PTPRD: variants seen among roughly 807,000 people sequenced by gnomAD.
PTPRD encodes protein tyrosine phosphatase receptor type D.
In PTPRD, 34 loss-of-function variants were observed where a neutral mutation model predicts 214.5. That is an observed-to-expected ratio of 0.16 (90% CI 0.12 to 0.21). PTPRD has a LOEUF of 0.21. Ranked by LOEUF, PTPRD falls within the 10% of genes least tolerant of loss-of-function variation. The pLI is 1.00. For synonymous variants in PTPRD, 1,128 were observed against 845.7 expected (o/e 1.33, Z -5.79); for missense variants, 2,545 against 2,398.7 (o/e 1.06, Z -1.27).
At chr9:9,648,231 A>C (rs1039869011) in intron 7 of PTPRD, among the ~76,000 whole-genome samples, 2 of 152,004 alleles carry the variant, frequency 1.3e-5, no homozygotes, top group Non-Finnish European at 1.5e-5. Context: ...TAAAAAAAAA[A>C]CACTAAAGTG....
At chr9:9,991,057 C>G (rs1248772978) in intron 4 of PTPRD, among the ~76,000 whole-genome samples, 1 of 151,440 alleles carries the variant, frequency 6.6e-6, no homozygotes, top group African/African-American at 2.4e-5. Context: ...GCCTCAGCCT[C>G]CTGAGTAGCT....
At chr9:10,417,556 A>G (rs1190584976) in intron 2 of PTPRD, among the ~76,000 whole-genome samples, 2 of 151,892 alleles carry the variant, frequency 1.3e-5, no homozygotes, top group African/African-American at 4.8e-5. Flanking sequence ...TAAATATTAT[A>G]GTTAATAAGC....
chr9:8,757,129 G>A (rs2094051840), intron 11 of PTPRD, among the ~76,000 whole-genome samples: 1 of 152,108 alleles, frequency 6.6e-6, no homozygotes, highest in Admixed American at 6.5e-5. Context: ...GCAACAGAGT[G>A]AGACTCCATC....
intron 8 of PTPRD, among the ~76,000 whole-genome samples, chr9:9,550,794 G>A (rs1031971705): frequency 3.3e-5 from 5 of 151,620 alleles, no homozygotes; most frequent in African/African-American, 1.2e-4. Flanking sequence ...CAAAAGACAT[G>A]AACAGACATT....
Position 10,163,992 on chromosome 9 carries a change from T to C in PTPRD, c.-544-130202A>G, listed in dbSNP as rs547680893. ...AGTCTATATGGCAATGAACTATTTT[T>C]AACACACACACCTAGACCCAGAATT... is the stretch of plus-strand genomic sequence containing the variant. On this transcript the variant is annotated intron_variant, in intron 3 of 45. Transcript: ENST00000381196. Among the ~76,000 whole-genome samples the C allele has an allele frequency of 4.0e-5, 6 of 151,548 alleles. No homozygotes were observed. In the South Asian group the frequency reaches 1.2e-3, roughly 31 times the overall value.
chr9:9,072,059 G>C (rs937788499), intron 10 of PTPRD, among the ~76,000 whole-genome samples: 3 of 152,064 alleles, frequency 2.0e-5, no homozygotes, highest in Non-Finnish European at 4.4e-5. Flanking sequence ...GCAGTGATTT[G>C]CAGATGTTTG....
At chr9:8,360,999 T>G (rs1184699940) in intron 39 of PTPRD, among the ~76,000 whole-genome samples, 1 of 152,254 alleles carries the variant, frequency 6.6e-6, no homozygotes, top group African/African-American at 2.4e-5. Context: ...ATTTTCTAAG[T>G]GATTTTCATT....
At chr9:8,345,889 G>A (rs1179396152) in intron 39 of PTPRD, among the ~76,000 whole-genome samples, 1 of 151,934 alleles carries the variant, frequency 6.6e-6, no homozygotes, top group Non-Finnish European at 1.5e-5. Flanking sequence ...CAATTTCACG[G>A]ATTACATATC....
At chr9:10,566,095 G>A (rs1333924679) in intron 2 of PTPRD, among the ~76,000 whole-genome samples, 1 of 151,766 alleles carries the variant, frequency 6.6e-6, no homozygotes, top group East Asian at 1.9e-4. Flanking sequence ...CATCAATTTT[G>A]TTGGGAGTCA....
chr9:10,478,236 A>G (rs1344745097), intron 2 of PTPRD, among the ~76,000 whole-genome samples: 6 of 152,246 alleles, frequency 3.9e-5, no homozygotes, highest in Admixed American at 3.9e-4. Flanking sequence ...TTGAAAACCT[A>G]ATAAGCATTA....
At chr9:8,718,877 G>T (rs543751333) in intron 12 of PTPRD, among the ~76,000 whole-genome samples, 3 of 152,042 alleles carry the variant, frequency 2.0e-5, no homozygotes, top group Admixed American at 6.6e-5. Flanking sequence ...ATTTCCGAGC[G>T]TTTGCTGCTG....
At chr9:8,474,522 A>G (rs1012239658) in intron 30 of PTPRD, among the ~76,000 whole-genome samples, 6 of 152,220 alleles carry the variant, frequency 3.9e-5, no homozygotes, top group African/African-American at 4.8e-5. Context: ...TGAGAAATAA[A>G]GCACAGGGCA....
intron 3 of PTPRD, among the ~76,000 whole-genome samples, chr9:10,181,968 AG>A (rs1189033341): frequency 1.8e-4 from 25 of 139,508 alleles, no homozygotes; most frequent in African/African-American, 8.5e-5. Flanking sequence ...AAAAAAAAAA[AG>A]GAATGGCTGG....
intron 12 of PTPRD, among the ~76,000 whole-genome samples, chr9:8,696,980 A>C (rs2097923863): frequency 6.6e-6 from 1 of 152,208 alleles, no homozygotes; most frequent in African/African-American, 2.4e-5. Context: ...TTTCTTTTAA[A>C]AAATCAAATG....
chr9:9,453,468 G>A (rs961810702), intron 8 of PTPRD, among the ~76,000 whole-genome samples: 2 of 151,470 alleles, frequency 1.3e-5, no homozygotes, highest in African/African-American at 4.8e-5. Flanking sequence ...CTGTGTCGGG[G>A]AAATATTCAT....
intron 2 of PTPRD, among the ~76,000 whole-genome samples, chr9:10,570,516 G>A (rs1371504224): frequency 6.6e-6 from 1 of 152,010 alleles, no homozygotes; most frequent in Non-Finnish European, 1.5e-5. Context: ...CAAACCTTAT[G>A]TAAATTGGAA....
At chr9:10,543,806 A>C (rs919436435) in intron 2 of PTPRD, among the ~76,000 whole-genome samples, 2 of 152,208 alleles carry the variant, frequency 1.3e-5, no homozygotes, top group African/African-American at 4.8e-5. Context: ...GTAGTATATA[A>C]CCACAATGCA....
At chr9:9,343,385 T>A (rs750733112) in intron 9 of PTPRD, among the ~76,000 whole-genome samples, 7 of 152,206 alleles carry the variant, frequency 4.6e-5, no homozygotes, top group Admixed American at 1.3e-4. Context: ...CTCTAGCATC[T>A]GTTGTTTCCT....
At chr9:8,640,155 C>A (rs1216967295) in intron 12 of PTPRD, among the ~76,000 whole-genome samples, 1 of 151,992 alleles carries the variant, frequency 6.6e-6, no homozygotes, top group Non-Finnish European at 1.5e-5. Context: ...GTCTTGAACT[C>A]CAGGGCTCAA....
Sources: allele counts gnomAD v4.1 joint callset (sites outside exome capture counted in the v4.1 genomes callset), GRCh38; gene constraint gnomAD v4.1.1; transcripts MANE v1.5; gene names NCBI Gene and HGNC (gene_info 2026-07-23, HGNC 2026-07-21).